Variants in NTF3 observed in about 807,000 individuals in gnomAD.
The protein encoded by NTF3 is neurotrophin 3, also known as neurotrophin-3.
In NTF3, 8 loss-of-function variants were observed where a neutral mutation model predicts 26.3. The ratio of observed to expected loss-of-function variants is 0.30; its 90% confidence interval spans 0.18 to 0.55. NTF3 has a LOEUF of 0.55. Ranked by LOEUF, NTF3 falls within the 20% of genes least tolerant of loss-of-function variation. The probability of loss-of-function intolerance (pLI) is 0.93; values close to 1 mark genes in which losing one functional copy is unlikely to be tolerated. For missense variants in NTF3, 276 were observed against 352.9 expected (o/e 0.78, Z 1.75); for synonymous variants, 154 against 145.5 (o/e 1.06, Z -0.42).
At chr12:5,461,104 A>G (rs763518557) in intron 1 of NTF3, among the ~76,000 whole-genome samples, 6 of 152,200 alleles carry the variant, frequency 3.9e-5, no homozygotes. Context: ...ATACTTATGT[A>G]TAAATCACAT....
chr12:5,493,827 G>A (rs957003316), intron 1 of NTF3, among the ~76,000 whole-genome samples: 1 of 152,176 alleles, frequency 6.6e-6, no homozygotes, highest in Non-Finnish European at 1.5e-5. Context: ...TCTCAGGTTT[G>A]AAGTTTTCAT....
Position 5,474,978 on chromosome 12 carries a change from A to T in NTF3, c.19-19216A>T, listed in dbSNP as rs574301913. 2.2e-4 allele frequency among the ~76,000 whole-genome samples: 34 copies of T among 152,228 alleles called. No homozygotes were observed. The Middle Eastern group carries it at 0.01, about 46-fold the overall frequency. On this transcript the variant is annotated intron_variant, in intron 1 of 1. Transcript: ENST00000423158. ...GGGAGGATGGTGACTTCAGCTTTGGATATAGCACCCTTGAGATTCCTCTGC... is the reference window on the plus strand; with the variant it reads ...GGGAGGATGGTGACTTCAGCTTTGGTTATAGCACCCTTGAGATTCCTCTGC...
chr12:5,431,867 A>C (rs557070316), upstream of NTF3, among the ~76,000 whole-genome samples: 23 of 151,708 alleles, frequency 1.5e-4, no homozygotes, highest in Non-Finnish European at 3.1e-4. Flanking sequence ...CAGATTTGGA[A>C]GTTTTTGTTG....
chr12:5,444,527 T>C (rs1315608428), intron 1 of NTF3, among the ~76,000 whole-genome samples: 1 of 152,100 alleles, frequency 6.6e-6, no homozygotes, highest in Non-Finnish European at 1.5e-5. Context: ...GTAGAGAAGT[T>C]CCGTGGGAGG....
chr12:5,491,746 G>A (rs1170335708), intron 1 of NTF3, among the ~76,000 whole-genome samples: 4 of 129,454 alleles, frequency 3.1e-5, no homozygotes, highest in African/African-American at 1.2e-4. Flanking sequence ...TTGAATTGGA[G>A]TCTTGCTCTG....
intron 1 of NTF3, among the ~76,000 whole-genome samples, chr12:5,469,291 A>G (rs1319777123): frequency 2.0e-5 from 3 of 152,198 alleles, no homozygotes; most frequent in African/African-American, 7.2e-5. Context: ...AGGAGAAGTC[A>G]GACCATAATG....
intron 1 of NTF3, among the ~76,000 whole-genome samples, chr12:5,441,520 C>T (rs1490945846): frequency 6.6e-6 from 1 of 152,198 alleles, no homozygotes; most frequent in Non-Finnish European, 1.5e-5. Context: ...TGCATTTCCC[C>T]AGAGAGCCTA....
At chr12:5,481,720 A>G (rs1940804829) in intron 1 of NTF3, among the ~76,000 whole-genome samples, 1 of 130,838 alleles carries the variant, frequency 7.6e-6, no homozygotes, top group African/African-American at 2.8e-5. Flanking sequence ...ACACGCACAC[A>G]CCACACACAC....
Position 5,494,122 on chromosome 12 carries a change from A to T in NTF3, c.19-72A>T. 6.8e-7 allele frequency: 1 copy of T among 1,467,614 alleles called. No homozygotes were observed. The highest frequency in any genetic ancestry group is 9.3e-7 in the Non-Finnish European group (1 of 1,073,864). 90.9% of individuals were successfully genotyped at this position (1,467,614 alleles called of 1,614,324 possible). ...TGCCCTCACAGGGCTACTCAGCCTCAGGTAGCTGGTGCCAGAATAACACAG... is the reference window on the plus strand; with the variant it reads ...TGCCCTCACAGGGCTACTCAGCCTCTGGTAGCTGGTGCCAGAATAACACAG... On this transcript the variant is annotated intron_variant, in intron 1 of 1. Coordinates refer to ENST00000423158, the MANE Select transcript of NTF3 (RefSeq NM_001102654.2). The surrounding 1 kb of genome is among the most constrained non-coding windows in gnomAD (Gnocchi z 8.3).
chr12:5,472,364 A>C (rs1940676174), intron 1 of NTF3, among the ~76,000 whole-genome samples: 1 of 152,228 alleles, frequency 6.6e-6, no homozygotes, highest in Non-Finnish European at 1.5e-5. Context: ...CATTAGAAAA[A>C]TTATTTACCC....
At chr12:5,467,094 C>T (rs2121202094) in intron 1 of NTF3, among the ~76,000 whole-genome samples, 1 of 151,848 alleles carries the variant, frequency 6.6e-6, no homozygotes, top group South Asian at 2.1e-4. Flanking sequence ...GCCAGGCGTA[C>T]TGGCAGGCGC....
chr12:5,435,105 T>G (rs1470864757), intron 1 of NTF3, among the ~76,000 whole-genome samples: 5 of 152,154 alleles, frequency 3.3e-5, no homozygotes, highest in Non-Finnish European at 7.3e-5. Context: ...GCATTGGCAC[T>G]GGGTGGGAAC....
chr12:5,448,704 A>G (rs1403486421), intron 1 of NTF3, among the ~76,000 whole-genome samples: 1 of 152,202 alleles, frequency 6.6e-6, no homozygotes, highest in African/African-American at 2.4e-5. Context: ...AAAGCCCCAG[A>G]AGGAAGCTAT....
Position 5,494,704 on chromosome 12 carries a change from T to A in NTF3, c.529T>A (p.Ser177Thr). 6.2e-7 allele frequency: 1 copy of A among 1,614,016 alleles called. No homozygotes were observed. Among genetic ancestry groups the A allele is most frequent in the South Asian group, 1.1e-5 (1 of 91,076 alleles). Reference protein sequence around the residue: ...SESLWVTDKSSAIDIRGHQVT... With the variant: ...SESLWVTDKSTAIDIRGHQVT... Reference sequence around the variant, plus strand: ...GAGTCTGTGGGTGACCGACAAGTCATCGGCCATCGACATTCGGGGACACCA... The same window carrying A: ...GAGTCTGTGGGTGACCGACAAGTCAACGGCCATCGACATTCGGGGACACCA... The change falls in exon 2 of 2, where the codon TCG becomes ACG. Residue 177 changes from serine (S) to threonine (T), a missense_variant. Coordinates refer to ENST00000423158, the MANE Select transcript of NTF3 (RefSeq NM_001102654.2). The surrounding 1 kb of genome is among the most constrained non-coding windows in gnomAD (Gnocchi z 8.3).
intron 1 of NTF3, among the ~76,000 whole-genome samples, chr12:5,469,974 G>A (rs965731910): frequency 6.6e-6 from 1 of 152,166 alleles, no homozygotes; most frequent in African/African-American, 2.4e-5. Flanking sequence ...ACCCAGGCTA[G>A]AGTGCAATGG....
chr12:5,467,999 C>CA (rs1940614330), intron 1 of NTF3, among the ~76,000 whole-genome samples: 1 of 152,200 alleles, frequency 6.6e-6, no homozygotes, highest in Non-Finnish European at 1.5e-5. Context: ...CTCCACCCCC[C>CA]ACATTTTCCC....
chr12:5,430,366 G>C (rs1343098913), upstream of NTF3, among the ~76,000 whole-genome samples: 1 of 152,080 alleles, frequency 6.6e-6, no homozygotes, highest in Admixed American at 6.5e-5. Flanking sequence ...TGGCTGGGTG[G>C]AGGGAACGAC....
chr12:5,431,927 G>T (rs1591586915), upstream of NTF3, among the ~76,000 whole-genome samples: 1 of 149,696 alleles, frequency 6.7e-6, no homozygotes, highest in East Asian at 2.0e-4. Flanking sequence ...CAGGAGAAAT[G>T]ACCCCTTCCC....
intron 1 of NTF3, among the ~76,000 whole-genome samples, chr12:5,453,509 C>T (rs1226672941): frequency 1.3e-5 from 2 of 152,226 alleles, no homozygotes; most frequent in African/African-American, 2.4e-5. Flanking sequence ...TTGGGAAGAA[C>T]TGGAACCTGG....
Sources: gnomAD v4.1 joint callset for allele counts (sites outside exome capture counted in the v4.1 genomes callset) on GRCh38, gnomAD v4.1.1 for gene constraint, Gnocchi (gnomAD v3.1) non-coding constraint, MANE v1.5 for transcripts, NCBI Gene and HGNC (gene_info 2026-07-23, HGNC 2026-07-21) for gene names.